WNT9B: variants seen among roughly 807,000 people sequenced by gnomAD.
The protein encoded by WNT9B is protein Wnt-9b.
In WNT9B, 12 loss-of-function variants were observed where a neutral mutation model predicts 30.2. The ratio of observed to expected loss-of-function variants is 0.40; its 90% CI spans 0.26 to 0.64. The LOEUF (loss-of-function observed/expected upper bound fraction) is 0.64, where lower values mean the gene tolerates loss of function less well. Among genes scored for constraint, WNT9B ranks in the 30% least tolerant of loss-of-function variants. The probability of loss-of-function intolerance (pLI) is 0.42; values close to 1 mark genes in which losing one functional copy is unlikely to be tolerated. For missense variants in WNT9B, 442 were observed against 485.2 expected, an observed-to-expected ratio of 0.91 and a Z score of 0.84; for synonymous variants, 218 against 216.9, an observed-to-expected ratio of 1.01 and a Z score of -0.05.
chr17:46,874,578 A>C (rs1242158631), intron 2 of WNT9B, among the ~76,000 whole-genome samples: 1 of 152,038 alleles, frequency 6.6e-6, no homozygotes, highest in Non-Finnish European at 1.5e-5. Flanking sequence ...TTTATTTATA[A>C]ATTAAAAAAA....
At chr17:46,836,983 C>T (rs1437486084) in intron 1 of WNT9B, among the ~76,000 whole-genome samples, 1 of 152,094 alleles carries the variant, frequency 6.6e-6, no homozygotes, top group Admixed American at 6.6e-5. Flanking sequence ...CGCTCTGTCG[C>T]CCAGGCTGTA....
rs1232149180 is a variant in WNT9B, at chr17:46,878,865, C to T, written c.*2147C>T. ...GTGGCTGGCTGCTAACATGGACACC[C>T]CAAGTCAATGGCACAGTGCAGGTTC... On this transcript the variant is annotated 3_prime_UTR_variant, in exon 4 of 4. Transcript: ENST00000290015. Among the ~76,000 whole-genome samples the T allele has an allele frequency of 6.6e-6, 1 of 152,202 alleles. No homozygotes were observed. The highest frequency in any genetic ancestry group is 1.5e-5 in the Non-Finnish European group (1 of 68,030).
At position 46,851,618 on chromosome 17, in the gene WNT9B, G is replaced by A. The variant is rs530818988; in HGVS notation, c.-21G>A. ...TTGAGCGGCGCGAGGAGATGCTAGAGGGCGCAGCGCCGCCAGCACCATGCG... is the reference window on the plus strand; with the variant it reads ...TTGAGCGGCGCGAGGAGATGCTAGAAGGCGCAGCGCCGCCAGCACCATGCG... On this transcript the variant is annotated 5_prime_UTR_variant, in exon 1 of 4. Transcript: ENST00000290015. The surrounding 1 kb of genome is among the most constrained non-coding windows in gnomAD (Gnocchi z 4.3). 2.3e-4 allele frequency: 290 copies of A among 1,245,680 alleles called. 6 individuals are homozygous for A. In the South Asian group the frequency reaches 7.8e-3, roughly 34 times the overall value. The allele number at this position is 1,245,680 out of a possible 1,614,324, so 77.2% of individuals were successfully genotyped here.
chr17:46,844,305 C>T (rs1387305480), intron 1 of WNT9B, among the ~76,000 whole-genome samples: 4 of 127,452 alleles, frequency 3.1e-5, no homozygotes, highest in Admixed American at 8.0e-5. Context: ...AGTTAGCCAC[C>T]TTTTTTTTTT....
chr17:46,882,177 T>A (rs529636514), downstream of WNT9B, among the ~76,000 whole-genome samples: 11 of 152,254 alleles, frequency 7.2e-5, no homozygotes, highest in African/African-American at 2.2e-4. Flanking sequence ...AATTAAAAAA[T>A]TTTTAAAACA....
intron 1 of WNT9B, among the ~76,000 whole-genome samples, chr17:46,854,366 C>T (rs562690396): frequency 2.6e-5 from 4 of 152,314 alleles, no homozygotes; most frequent in African/African-American, 9.6e-5. Context: ...AGTGCTTTGG[C>T]ATCCTGATAA....
rs142915460 is a variant in WNT9B, at chr17:46,854,276, A to C, written c.77+2561A>C. On this transcript the variant is annotated intron_variant, in intron 1 of 3. Transcript: ENST00000290015. The stretch of plus-strand genomic sequence containing the variant: ...ATTCGCTGTCTGGGAGGAATCTGGT[A>C]TCAGTCATCTACACTGTAGTGGGAA... Among the ~76,000 whole-genome samples the C allele has an allele frequency of 6.6e-5, 10 of 152,224 alleles. 1 individual carries two copies. Among genetic ancestry groups the C allele is most frequent in the African/African-American group, 1.7e-4 (7 of 41,520 alleles).
downstream of WNT9B, chr17:46,884,985 T>C: frequency 2.3e-6 from 1 of 431,004 alleles, no homozygotes; most frequent in Non-Finnish European, 4.6e-6. Flanking sequence ...CCCTCTTTTA[T>C]ATTTCCTTAG....
At chr17:46,837,047 A>G (rs1241093220) in intron 1 of WNT9B, among the ~76,000 whole-genome samples, 1 of 152,068 alleles carries the variant, frequency 6.6e-6, no homozygotes, top group Non-Finnish European at 1.5e-5. Flanking sequence ...GGTTCAAGCA[A>G]TTCTCCTGCC....
intron 1 of WNT9B, among the ~76,000 whole-genome samples, chr17:46,843,189 T>C (rs1184506535): frequency 6.6e-6 from 1 of 152,246 alleles, no homozygotes; most frequent in Non-Finnish European, 1.5e-5. Context: ...GAAAATGATA[T>C]TTCAGAATCA....
At position 46,872,592 on chromosome 17, in the gene WNT9B, C is replaced by T. The variant is rs369624562; in HGVS notation, c.153C>T (p.His51=). Residue 51 remains histidine, a synonymous_variant, in exon 2 of 4, where the codon CAC becomes CAT. Coordinates refer to ENST00000290015, the MANE Select transcript of WNT9B (RefSeq NM_003396.3). ...TAAAPAQGGA[H]LKQCDLLKLS... is the part of the protein sequence containing the mutation. ...CAGCCCCGGCACAGGGCGGGGCCCACCTGAAGCAGTGTGACCTGCTGAAGC... is the reference window on the plus strand; with the variant it reads ...CAGCCCCGGCACAGGGCGGGGCCCATCTGAAGCAGTGTGACCTGCTGAAGC... 86 of 1,611,244 alleles carry T rather than the reference C, an allele frequency of 5.3e-5. No individual in the cohort carries two copies. Among genetic ancestry groups the T allele is most frequent in the Non-Finnish European group, 6.6e-5 (78 of 1,178,766 alleles).
Position 46,860,679 on chromosome 17 carries a change from A to G in WNT9B, c.77+8964A>G, listed in dbSNP as rs1488040813. 2.0e-5 allele frequency among the ~76,000 whole-genome samples: 3 copies of G among 152,178 alleles called. No homozygotes were observed. In the East Asian group the frequency reaches 5.8e-4, roughly 29 times the overall value. On this transcript the variant is annotated intron_variant, in intron 1 of 3. Transcript: ENST00000290015. ...CTGCCTTACAGCGTCCCACGTTTAG[A>G]AGAGTCTTTGGTGGTGACATCTGTT...
intron 1 of WNT9B, among the ~76,000 whole-genome samples, chr17:46,844,258 A>G (rs2084747715): frequency 6.6e-6 from 1 of 151,042 alleles, no homozygotes; most frequent in African/African-American, 2.4e-5. Context: ...TATCCAGCCT[A>G]TACTTTATAT....
chr17:46,881,572 C>A (rs2085423246), downstream of WNT9B, among the ~76,000 whole-genome samples: 1 of 152,210 alleles, frequency 6.6e-6, no homozygotes, highest in African/African-American at 2.4e-5. Flanking sequence ...CTACCATACA[C>A]CATCCTCACC....
chr17:46,868,100 C>T (rs1372943463), intron 1 of WNT9B, among the ~76,000 whole-genome samples: 1 of 152,124 alleles, frequency 6.6e-6, no homozygotes, highest in Non-Finnish European at 1.5e-5. Flanking sequence ...GGTAGCTGGG[C>T]CAAAGCAGGT....
chr17:46,874,876 C>A (rs2085317407), intron 2 of WNT9B: 2 of 687,134 alleles, frequency 2.9e-6, no homozygotes, highest in East Asian at 2.7e-5. Context: ...CTGTGCCCAG[C>A]CTGGAAGTTC....
chr17:46,851,713 C>A lies in WNT9B; in HGVS notation c.75C>A (p.Phe25Leu). ...TGCCCGCCGCCGCCGCCTCCTACTTCGGGTCAGTGCCCGCCGCGCCCCCCG... is the reference window on the plus strand; with the variant it reads ...TGCCCGCCGCCGCCGCCTCCTACTTAGGGTCAGTGCCCGCCGCGCCCCCCG... The part of the protein sequence containing the change: ...LALPAAAASY[F>L]GLTGREVLTP... The change falls in exon 1 of 4, where the codon TTC (phenylalanine) becomes TTA (leucine). Residue 25 changes from phenylalanine (F) to leucine (L), a missense_variant and splice_region_variant. Transcript: ENST00000290015. The surrounding 1 kb of genome is among the most constrained non-coding windows in gnomAD (Gnocchi z 4.3). The A allele has an allele frequency of 7.7e-7, 1 of 1,299,934 alleles. No homozygotes were observed. The highest frequency in any genetic ancestry group is 9.7e-7 in the Non-Finnish European group (1 of 1,028,094). The allele number at this position is 1,299,934 out of a possible 1,614,324, so 80.5% of individuals were successfully genotyped here. A position where few individuals can be genotyped will look rare whatever the true frequency, so the allele number is the denominator to read the frequency against.
At chr17:46,843,458 A>C (rs1461727207) in intron 1 of WNT9B, among the ~76,000 whole-genome samples, 2 of 152,176 alleles carry the variant, frequency 1.3e-5, no homozygotes, top group Non-Finnish European at 2.9e-5. Context: ...CACTCTGCAA[A>C]ATCCAGCTCA....
chr17:46,844,103 G>A (rs1376831268), intron 1 of WNT9B, among the ~76,000 whole-genome samples: 2 of 151,986 alleles, frequency 1.3e-5, no homozygotes, highest in Admixed American at 1.3e-4. Context: ...ACAGGCATGT[G>A]CCACAATGCC....
Sources: allele counts gnomAD v4.1 joint callset (sites outside exome capture counted in the v4.1 genomes callset), GRCh38; gene constraint gnomAD v4.1.1; non-coding constraint Gnocchi (gnomAD v3.1); transcripts MANE v1.5; gene names NCBI Gene and HGNC (gene_info 2026-07-23, HGNC 2026-07-21).